The following GPHN variants were observed in gnomAD, a reference collection of about 807,000 sequenced individuals.
GPHN encodes gephyrin.
GPHN carries 17 observed loss-of-function variants against 95.5 expected under a neutral mutation model. That is an observed-to-expected ratio of 0.18 (90% CI 0.12 to 0.27). The LOEUF is 0.27. Among genes scored for constraint, GPHN ranks in the 10% least tolerant of loss-of-function variants. The pLI is 1.00. For synonymous variants in GPHN, 320 were observed against 322.5 expected (o/e 0.99, Z 0.08); for missense variants, 660 against 978.1 (o/e 0.67, Z 4.34).
chr14:66,702,231 T>C (rs1025008221), intron 2 of GPHN, among the ~76,000 whole-genome samples: 21 of 152,162 alleles, frequency 1.4e-4, no homozygotes, highest in African/African-American at 4.8e-4. Context: ...TTTTGGGGAA[T>C]CCAGGCAGCC....
At chr14:67,331,580 T>A in the GPHN span, among the ~76,000 whole-genome samples, 3 of 152,114 alleles carry the variant, frequency 2.0e-5, no homozygotes, top group African/African-American at 7.2e-5. Context: ...AGCTAAAAAT[T>A]TTGAGCTAAA....
At chr14:67,212,681 T>G in the GPHN span, among the ~76,000 whole-genome samples, 4 of 130,598 alleles carry the variant, frequency 3.1e-5, no homozygotes, top group Non-Finnish European at 5.1e-5. Flanking sequence ...TACATACAAA[T>G]AAATGTATAC....
chr14:67,656,687 T>G, the GPHN span: 2 of 1,304,666 alleles, frequency 1.5e-6, no homozygotes, highest in Non-Finnish European at 2.1e-6. Flanking sequence ...AGGGATATAG[T>G]GAGCAATAAT....
chr14:67,289,525 T>C, the GPHN span, among the ~76,000 whole-genome samples: 3 of 152,102 alleles, frequency 2.0e-5, no homozygotes, highest in African/African-American at 7.2e-5. Context: ...GGGATAACTA[T>C]ATATATAAAA....
At chr14:66,610,868 G>A (rs2062751052) in intron 1 of GPHN, among the ~76,000 whole-genome samples, 1 of 152,052 alleles carries the variant, frequency 6.6e-6, no homozygotes, top group Non-Finnish European at 1.5e-5. Flanking sequence ...TCACCTAGAA[G>A]GATTTTTTTC....
At chr14:66,673,551 A>G (rs1012025758) in intron 1 of GPHN, among the ~76,000 whole-genome samples, 1 of 152,274 alleles carries the variant, frequency 6.6e-6, no homozygotes, top group Non-Finnish European at 1.5e-5. Flanking sequence ...TTATAAAAGC[A>G]TGCAGAAGAA....
the GPHN span, among the ~76,000 whole-genome samples, chr14:67,606,626 G>T: frequency 2.0e-5 from 3 of 152,162 alleles, no homozygotes; most frequent in African/African-American, 7.2e-5. Context: ...AAAAGCCCTG[G>T]TTTTTGTTGT....
intron 2 of GPHN, among the ~76,000 whole-genome samples, chr14:66,744,645 A>G (rs575976551): frequency 1.3e-5 from 2 of 152,302 alleles, no homozygotes; most frequent in South Asian, 2.1e-4. Context: ...AGTTTTATTG[A>G]TTAATTGAGT....
intron 8 of GPHN, among the ~76,000 whole-genome samples, chr14:66,964,606 A>T (rs1354619064): frequency 6.6e-6 from 1 of 152,218 alleles, no homozygotes; most frequent in African/African-American, 2.4e-5. Context: ...GCTATAAGCC[A>T]GAAGGGCAGT....
At chr14:66,924,974 A>T (rs1001101674) in intron 8 of GPHN, among the ~76,000 whole-genome samples, 5 of 152,140 alleles carry the variant, frequency 3.3e-5, no homozygotes, top group African/African-American at 7.2e-5. Flanking sequence ...CCTAATATGG[A>T]TGTAAAATGA....
At chr14:67,409,937 G>A in the GPHN span, among the ~76,000 whole-genome samples, 1 of 152,104 alleles carries the variant, frequency 6.6e-6, no homozygotes, top group Non-Finnish European at 1.5e-5. Context: ...CAGGGTTCTG[G>A]GGCCCTATCC....
the GPHN span, among the ~76,000 whole-genome samples, chr14:67,430,954 A>G: frequency 0.33 from 49,448 of 152,036 alleles, 8,228 homozygotes; most frequent in Middle Eastern, 0.41. Flanking sequence ...GTTTACATAC[A>G]ATCCTATAGG....
At position 67,093,708 on chromosome 14, in the gene GPHN, A is replaced by T. The variant is rs1370772438; in HGVS notation, c.1237+4633A>T. Among the ~76,000 whole-genome samples the T allele has an allele frequency of 3.9e-5, 6 of 152,096 alleles. No homozygotes were observed. In the South Asian group the frequency reaches 6.2e-4, roughly 16 times the overall value. On this transcript the variant is annotated intron_variant, in intron 12 of 22. Transcript: ENST00000478722. ...ATACACGATGCCTTCTTACTCATGTATCCTATGCCCACCTCCCTGCGTTCC... is the reference window on the plus strand; with the variant it reads ...ATACACGATGCCTTCTTACTCATGTTTCCTATGCCCACCTCCCTGCGTTCC...
the GPHN span, chr14:67,332,968 A>C: frequency 1.3e-6 from 2 of 1,593,030 alleles, no homozygotes; most frequent in Non-Finnish European, 1.7e-6. Context: ...AGAAACATCC[A>C]TTCTGTGGCA....
chr14:67,290,197 A>T, the GPHN span, among the ~76,000 whole-genome samples: 305 of 152,286 alleles, frequency 2.0e-3, no homozygotes, highest in African/African-American at 6.9e-3. Flanking sequence ...TTGGAAGACT[A>T]GGAAAGAGGG....
chr14:66,808,703 A>C (rs1278007119), intron 3 of GPHN, among the ~76,000 whole-genome samples: 1 of 152,210 alleles, frequency 6.6e-6, no homozygotes, highest in East Asian at 1.9e-4. Flanking sequence ...AGGCTGAGGC[A>C]GGAAAATTGC....
At chr14:67,602,273 G>A in the GPHN span, among the ~76,000 whole-genome samples, 2 of 152,158 alleles carry the variant, frequency 1.3e-5, no homozygotes, top group East Asian at 3.8e-4. Flanking sequence ...TAAACCGTCA[G>A]ATCTCGTGAG....
rs141983140 is a variant in GPHN at position 66,701,511 on chromosome 14, C to A, written c.143+20326C>A. ...ATGACTAGGTGGCTGGTGTGATCCA[C>A]GGAGAGAAAGGAAGAGCAATGTGGT... On this transcript the variant is annotated intron_variant, in intron 2 of 22. Transcript: ENST00000478722. Among the ~76,000 whole-genome samples, 84 of 152,238 alleles carry A rather than the reference C, an allele frequency of 5.5e-4. No individual in the cohort carries two copies. The East Asian group carries it at 0.01, about 19-fold the overall frequency.
chr14:67,330,844 C>T, the GPHN span, among the ~76,000 whole-genome samples: 1 of 152,166 alleles, frequency 6.6e-6, no homozygotes, highest in South Asian at 2.1e-4. Flanking sequence ...AAGATTTTAA[C>T]TGATTTATAA....
Sources: allele counts gnomAD v4.1 joint callset (sites outside exome capture counted in the v4.1 genomes callset), GRCh38; gene constraint gnomAD v4.1.1; transcripts MANE v1.5; gene names NCBI Gene and HGNC (gene_info 2026-07-23, HGNC 2026-07-21).